The following SRPK1 variants were observed in gnomAD, a reference collection of about 807,000 sequenced individuals.
SRPK1 encodes SFRS protein kinase 1.
A neutral mutation model predicts 89.5 loss-of-function variants in SRPK1; 52 were observed. The observed-to-expected ratio is 0.58, with a 90% CI of 0.46 to 0.73. SRPK1 has a LOEUF of 0.73. SRPK1 is among the 30% of genes least tolerant of loss of function. SRPK1 has a pLI of 0.00. For missense variants in SRPK1, 603 were observed against 780.6 expected, an observed-to-expected ratio of 0.77 and a Z score of 2.71; for synonymous variants, 255 against 270.2, an observed-to-expected ratio of 0.94 and a Z score of 0.55.
At chr6:35,853,146 T>C (rs1390428911) in intron 13 of SRPK1, among the ~76,000 whole-genome samples, 1 of 151,670 alleles carries the variant, frequency 6.6e-6, no homozygotes, top group Non-Finnish European at 1.5e-5. Context: ...CATATACTCG[T>C]TGGCGGGGGG....
At chr6:35,904,233 CCT>C (rs1281704030) in intron 2 of SRPK1, among the ~76,000 whole-genome samples, 1 of 151,944 alleles carries the variant, frequency 6.6e-6, no homozygotes, top group East Asian at 1.9e-4. Flanking sequence ...GAAGTTATAC[CCT>C]GTTAAATTAG....
chr6:35,892,945 G>T (rs1349508085), intron 2 of SRPK1, among the ~76,000 whole-genome samples: 3 of 152,042 alleles, frequency 2.0e-5, no homozygotes, highest in African/African-American at 7.3e-5. Context: ...GATTTTTGGT[G>T]GCCATTCCAA....
intron 6 of SRPK1, among the ~76,000 whole-genome samples, 166 bp from the exon 7 acceptor site, chr6:35,874,505 T>C (rs1433226936): frequency 2.0e-5 from 3 of 152,206 alleles, no homozygotes; most frequent in African/African-American, 7.2e-5. Context: ...AATTTCAAAG[T>C]CTAATGCTAT....
intron 2 of SRPK1, among the ~76,000 whole-genome samples, chr6:35,896,806 A>T (rs534012116): frequency 1.3e-5 from 2 of 152,348 alleles, no homozygotes; most frequent in East Asian, 3.9e-4. Context: ...ATTCATAATA[A>T]CCAAATAGTG....
intron 2 of SRPK1, among the ~76,000 whole-genome samples, chr6:35,894,772 C>T (rs1345178063): frequency 6.6e-6 from 1 of 151,968 alleles, no homozygotes; most frequent in Non-Finnish European, 1.5e-5. Context: ...GTATCAACAA[C>T]ATTTGAGAGC....
At position 35,888,925 on chromosome 6, in the gene SRPK1, TG is replaced by T; in HGVS notation, c.194-3del. 6.3e-7 allele frequency: 1 copy of T among 1,591,918 alleles called. No homozygotes were observed. Among genetic ancestry groups the T allele is most frequent in the Non-Finnish European group, 8.6e-7 (1 of 1,160,340 alleles). Reference sequence around the variant, plus strand: ...CAATTTTCACAAGATGATAACCTCCTGGAAGAAACAGGGGAAATACAATCAG... The same window carrying T: ...CAATTTTCACAAGATGATAACCTCCTGAAGAAACAGGGGAAATACAATCAG... On this transcript the variant is annotated splice_polypyrimidine_tract_variant and splice_region_variant and intron_variant, in intron 3 of 15. Transcript: ENST00000373825.
rs1353559874 is a variant in SRPK1 at position 35,869,064 on chromosome 6, T to G, written c.1458A>C (p.Lys486Asn). 1.9e-6 allele frequency: 3 copies of G among 1,613,986 alleles called. No homozygotes were observed. The highest frequency in any genetic ancestry group is 1.3e-5 in the African/African-American group (1 of 74,920). Reference sequence around the variant, plus strand: ...TCTTCACCTTGAGCTTTTCTGCATTTTTTGGCTCAAGGGGATTAACAAGAA... The same window carrying G: ...TCTTCACCTTGAGCTTTTCTGCATTGTTTGGCTCAAGGGGATTAACAAGAA... The part of the protein sequence containing the change: ...GNFLVNPLEP[K>N]NAEKLKVKIA... Residue 486 changes from lysine to asparagine, a missense_variant, in exon 12 of 16, where the codon AAA becomes AAC. Physicochemically the swap from Lys to Asn is moderately conservative, Grantham distance 94. Transcript: ENST00000373825.
At chr6:35,878,631 T>A (rs1169407285) in intron 6 of SRPK1, among the ~76,000 whole-genome samples, 2 of 152,170 alleles carry the variant, frequency 1.3e-5, no homozygotes, top group African/African-American at 4.8e-5. Flanking sequence ...GCAAAAAGGA[T>A]CCTGCCCCAA....
chr6:35,891,555 A>G (rs1197676066), intron 2 of SRPK1, among the ~76,000 whole-genome samples: 2 of 151,984 alleles, frequency 1.3e-5, no homozygotes, highest in Non-Finnish European at 2.9e-5. Flanking sequence ...CCCCATCTCT[A>G]CTAAGGAAAC....
At chr6:35,837,773 G>T (rs1769213809) in intron 15 of SRPK1, among the ~76,000 whole-genome samples, 2 of 151,552 alleles carry the variant, frequency 1.3e-5, no homozygotes, top group South Asian at 4.2e-4. Context: ...GCCCAGGCTG[G>T]TCTTGAACTC....
chr6:35,896,945 G>A (rs1186772885), intron 2 of SRPK1, among the ~76,000 whole-genome samples: 1 of 152,168 alleles, frequency 6.6e-6, no homozygotes, highest in Non-Finnish European at 1.5e-5. Context: ...TATACTAAGA[G>A]AAGCCAGTTA....
At chr6:35,915,997 T>TATATATACACAC (rs1284737691) in intron 2 of SRPK1, among the ~76,000 whole-genome samples, 8 of 90,206 alleles carry the variant, frequency 8.9e-5, no homozygotes, top group African/African-American at 4.5e-4. Flanking sequence ...AAAAAATATA[T>TATATATACACAC]ACACACACAC....
chr6:35,918,392 T>A (rs976044944), intron 2 of SRPK1, among the ~76,000 whole-genome samples: 1 of 152,040 alleles, frequency 6.6e-6, no homozygotes, highest in Non-Finnish European at 1.5e-5. Context: ...TCCCAGCTAC[T>A]TGGGGGGCTG....
chr6:35,835,208 A>T lies in SRPK1; in HGVS notation c.*96T>A. 9.0e-7 allele frequency: 1 copy of T among 1,108,584 alleles called. No individual in the cohort carries two copies. Among genetic ancestry groups the T allele is most frequent in the Non-Finnish European group, 1.3e-6 (1 of 795,240 alleles). The allele number at this position is 1,108,584 out of a possible 1,614,324, so 68.7% of individuals were successfully genotyped here. A position where few individuals can be genotyped will look rare whatever the true frequency, so the allele number is the denominator to read the frequency against. On this transcript the variant is annotated 3_prime_UTR_variant, in exon 16 of 16. Transcript: ENST00000373825. ...AAAAACAAGATCTAGAAACTCTTGAAGGAAGAGCTTCACCCTGAAAAGGGA... is the reference window on the plus strand; with the variant it reads ...AAAAACAAGATCTAGAAACTCTTGATGGAAGAGCTTCACCCTGAAAAGGGA...
intron 12 of SRPK1, among the ~76,000 whole-genome samples, chr6:35,866,272 T>C (rs1769901375): frequency 6.6e-6 from 1 of 151,920 alleles, no homozygotes. Context: ...GGAATGAAAA[T>C]CAGCACCATC....
intron 8 of SRPK1, among the ~76,000 whole-genome samples, chr6:35,871,281 C>T (rs1306178611): frequency 2.6e-5 from 4 of 152,180 alleles, no homozygotes; most frequent in Non-Finnish European, 5.9e-5. Context: ...AACCTCTTCA[C>T]CTCAAATGCT....
intron 12 of SRPK1, among the ~76,000 whole-genome samples, chr6:35,862,623 A>C (rs1175711892): frequency 6.6e-6 from 1 of 152,206 alleles, no homozygotes; most frequent in Non-Finnish European, 1.5e-5. Flanking sequence ...AAACAAGTAA[A>C]TATGACAGCA....
chr6:35,862,552 G>GT (rs1399764977), intron 12 of SRPK1, among the ~76,000 whole-genome samples: 5 of 151,950 alleles, frequency 3.3e-5, no homozygotes, highest in African/African-American at 1.2e-4. Flanking sequence ...AAAAAAATTG[G>GT]AACAAGTGAC....
chr6:35,891,727 C>CAAA (rs71540131), intron 2 of SRPK1, among the ~76,000 whole-genome samples: 2 of 94,004 alleles, frequency 2.1e-5, no homozygotes, highest in African/African-American at 3.9e-5. Flanking sequence ...AACTCTGTCT[C>CAAA]AAAAAAAAAA....
Sources: gnomAD v4.1 joint callset for allele counts (sites outside exome capture counted in the v4.1 genomes callset) on GRCh38, gnomAD v4.1.1 for gene constraint, MANE v1.5 for transcripts, NCBI Gene and HGNC (gene_info 2026-07-23, HGNC 2026-07-21) for gene names.